The following VWA8 variants were observed in gnomAD, a reference collection of about 807,000 sequenced individuals.
The protein encoded by VWA8 is von Willebrand factor A domain containing 8, also known as von Willebrand factor A domain-containing protein 8.
VWA8 carries 221 observed loss-of-function variants against 241.5 expected under a neutral mutation model. The ratio of observed to expected loss-of-function variants is 0.91; its 90% CI spans 0.82 to 1.02. The LOEUF (loss-of-function observed/expected upper bound fraction) is 1.02, where lower values mean the gene tolerates loss of function less well. Ranked by LOEUF, VWA8 falls within the 50% of genes least tolerant of loss-of-function variation. The pLI is 0.00. For missense variants in VWA8, 2,322 were observed against 2,328.7 expected (o/e 1.00, Z 0.06); for synonymous variants, 852 against 827.1 (o/e 1.03, Z -0.52).
chr13:41,755,022 G>C (rs946033858), intron 21 of VWA8, among the ~76,000 whole-genome samples: 3 of 151,804 alleles, frequency 2.0e-5, no homozygotes, highest in African/African-American at 7.3e-5. Context: ...TGGACCCTTA[G>C]GTTGCTTCTT....
chr13:41,922,760 G>T (rs1876616219), intron 2 of VWA8, among the ~76,000 whole-genome samples: 1 of 152,192 alleles, frequency 6.6e-6, no homozygotes, highest in Non-Finnish European at 1.5e-5. Context: ...AGTTAGAATG[G>T]CAATCATTAA....
intron 2 of VWA8, among the ~76,000 whole-genome samples, chr13:41,938,939 T>C (rs1257886531): frequency 1.3e-5 from 2 of 152,238 alleles, no homozygotes; most frequent in East Asian, 3.8e-4. Flanking sequence ...CTATCATTTA[T>C]GACACTGATG....
chr13:41,959,532 G>C (rs1389330463), intron 1 of VWA8, among the ~76,000 whole-genome samples: 6 of 143,314 alleles, frequency 4.2e-5, no homozygotes, highest in Non-Finnish European at 9.1e-5. Context: ...ATTTGAAATT[G>C]CAACACTATG....
intron 26 of VWA8, among the ~76,000 whole-genome samples, chr13:41,712,308 C>A (rs927663444): frequency 1.3e-5 from 2 of 152,126 alleles, no homozygotes; most frequent in African/African-American, 4.8e-5. Flanking sequence ...ACCCCAAATA[C>A]CCTGACTTGA....
At chr13:41,588,815 G>T (rs2044436461) in intron 41 of VWA8, among the ~76,000 whole-genome samples, 1 of 152,072 alleles carries the variant, frequency 6.6e-6, no homozygotes, top group Admixed American at 6.5e-5. Flanking sequence ...AGCAGAGTTA[G>T]TAATTTCAAG....
chr13:41,645,824 T>C lies in VWA8; in HGVS notation c.4611+25122A>G, dbSNP rs1459398436. 2.6e-5 allele frequency among the ~76,000 whole-genome samples: 4 copies of C among 152,192 alleles called. No individual in the cohort carries two copies. In the East Asian group the frequency reaches 7.7e-4, roughly 29 times the overall value. ...GAAATTAAAAATCTTTTTTTTTAAA[T>C]CACATAATATCAGATGTGACTTCTT... On this transcript the variant is annotated intron_variant, in intron 37 of 44. Coordinates refer to ENST00000379310, the MANE Select transcript of VWA8 (RefSeq NM_015058.2).
At chr13:41,786,977 C>G (rs1027224336) in intron 18 of VWA8, among the ~76,000 whole-genome samples, 7 of 151,734 alleles carry the variant, frequency 4.6e-5, no homozygotes, top group African/African-American at 2.4e-5. Context: ...AATAAGAGGG[C>G]ATGCATATTC....
At chr13:41,781,377 A>G (rs1310625993) in intron 19 of VWA8, among the ~76,000 whole-genome samples, 1 of 152,100 alleles carries the variant, frequency 6.6e-6, no homozygotes, top group Admixed American at 6.5e-5. Flanking sequence ...AGACTCTTCT[A>G]ATTGGGTCTG....
At chr13:41,721,232 G>T (rs1475731880) in intron 25 of VWA8, 138 bp downstream of exon 25, 3 of 924,310 alleles carry the variant, frequency 3.2e-6, no homozygotes, top group Non-Finnish European at 4.9e-6. Flanking sequence ...TTATAACTTA[G>T]ATTATACACA....
intron 43 of VWA8, among the ~76,000 whole-genome samples, chr13:41,574,654 A>G (rs2044339790): frequency 1.3e-5 from 2 of 152,348 alleles, no homozygotes; most frequent in Admixed American, 1.3e-4. Flanking sequence ...AAGGCATCAC[A>G]TTACAGGGCT....
chr13:41,719,432 A>G, intron 26 of VWA8, 159 bp downstream of exon 26: 1 of 1,461,374 alleles, frequency 6.8e-7, no homozygotes, highest in Non-Finnish European at 9.0e-7. Context: ...AAATAATGCT[A>G]TTTAACTGAA....
intron 2 of VWA8, among the ~76,000 whole-genome samples, chr13:41,920,666 C>T (rs903657648): frequency 2.0e-5 from 3 of 152,230 alleles, no homozygotes; most frequent in East Asian, 1.9e-4. Flanking sequence ...AACACTTCTG[C>T]ACAAATAAAC....
intron 2 of VWA8, chr13:41,926,568 G>A (rs1566042078): frequency 3.7e-6 from 2 of 547,118 alleles, no homozygotes; most frequent in East Asian, 5.0e-5. Context: ...ATTGATTTGA[G>A]GCACAATCCT....
intron 37 of VWA8, among the ~76,000 whole-genome samples, chr13:41,663,818 T>C (rs779031542): frequency 3.2e-4 from 48 of 151,848 alleles, no homozygotes; most frequent in Admixed American, 1.2e-3. Context: ...ACAATTTTTC[T>C]ACTTTACGAT....
intron 2 of VWA8, among the ~76,000 whole-genome samples, chr13:41,917,662 T>C (rs1381865363): frequency 6.6e-6 from 1 of 152,184 alleles, no homozygotes; most frequent in African/African-American, 2.4e-5. Context: ...CCAGGCTGTA[T>C]AGTGTGGATT....
intron 12 of VWA8, among the ~76,000 whole-genome samples, chr13:41,858,603 C>T (rs1489934592): frequency 6.6e-6 from 1 of 150,678 alleles, no homozygotes; most frequent in East Asian, 1.9e-4. Context: ...GAGAGTGAGA[C>T]TTCATCTCAA....
At chr13:41,594,517 A>C (rs2044475814) in intron 40 of VWA8, among the ~76,000 whole-genome samples, 1 of 152,138 alleles carries the variant, frequency 6.6e-6, no homozygotes, top group Admixed American at 6.6e-5. Context: ...AATTCTAACT[A>C]ATAATTCTAC....
intron 37 of VWA8, among the ~76,000 whole-genome samples, chr13:41,629,755 A>G (rs1294058063): frequency 6.6e-6 from 1 of 152,240 alleles, no homozygotes; most frequent in East Asian, 1.9e-4. Flanking sequence ...CAATGATAAC[A>G]CATGACAAAA....
intron 21 of VWA8, among the ~76,000 whole-genome samples, chr13:41,732,848 C>A (rs2045495590): frequency 6.6e-6 from 1 of 152,184 alleles, no homozygotes; most frequent in Non-Finnish European, 1.5e-5. Flanking sequence ...GTAACATTCA[C>A]ATCAAGTGTG....
Sources: gnomAD v4.1 joint callset for allele counts (sites outside exome capture counted in the v4.1 genomes callset) on GRCh38, gnomAD v4.1.1 for gene constraint, MANE v1.5 for transcripts, NCBI Gene and HGNC (gene_info 2026-07-23, HGNC 2026-07-21) for gene names.